The following PDIA5 variants were observed in gnomAD, a reference collection of about 807,000 sequenced individuals.
PDIA5 encodes protein disulfide isomerase family A member 5.
In PDIA5, 58 loss-of-function variants were observed where a neutral mutation model predicts 77.6. That is an observed-to-expected ratio of 0.75 (90% CI 0.61 to 0.93). PDIA5 has a LOEUF of 0.93. PDIA5 is among the 40% of genes least tolerant of loss of function. The pLI, the probability that PDIA5 is intolerant of heterozygous loss-of-function variation, is 0.00. For synonymous variants in PDIA5, 250 were observed against 252.1 expected (o/e 0.99, Z 0.08); for missense variants, 630 against 647.7 (o/e 0.97, Z 0.30).
In PDIA5 at chr3:123,152,079, GCCTT is replaced by G. The variant is rs1422007373; in HGVS notation, c.1273+1723_1273+1726del. ...TTCCTTCCTGCCTGCCTTTCTTCCT[GCCTT>G]CCTTCCTGCCTTCCTGCCTTCCTTC... On this transcript the variant is annotated intron_variant, in intron 14 of 16. Transcript: ENST00000316218. Among the ~76,000 whole-genome samples, 33 of 65,774 alleles carry G rather than the reference GCCTT, an allele frequency of 5.0e-4. 1 individual carries two copies. The highest frequency in any genetic ancestry group is 1.0e-3 in the Admixed American group (7 of 6,870). 43.2% of individuals were successfully genotyped at this position (65,774 alleles called of 152,430 possible).
chr3:123,085,690 CT>C (rs1355808080), intron 1 of PDIA5, among the ~76,000 whole-genome samples: 2 of 152,176 alleles, frequency 1.3e-5, no homozygotes, highest in Non-Finnish European at 2.9e-5. Context: ...TCCCTCCTGC[CT>C]TCCCCTTTCC....
intron 7 of PDIA5, among the ~76,000 whole-genome samples, chr3:123,113,736 G>A (rs1166842937): frequency 6.6e-6 from 1 of 152,182 alleles, no homozygotes; most frequent in Non-Finnish European, 1.5e-5. Context: ...AGGACTCTGT[G>A]ACCCTTTGGT....
rs752714551 is a variant in PDIA5 at position 123,106,739 on chromosome 3, T to C, written c.388-10T>C. The C allele has an allele frequency of 8.8e-6, 14 of 1,594,448 alleles. No individual in the cohort carries two copies. The highest frequency in any genetic ancestry group is 1.2e-5 in the Non-Finnish European group (14 of 1,163,256). On this transcript the variant is annotated splice_polypyrimidine_tract_variant and intron_variant, in intron 5 of 16. Transcript: ENST00000316218. ...AAAATGCATTTTCTCTTCTCTTTTT[T>C]TTCCCTCAGTCCATAGTGGCCTTTT...
At chr3:123,138,647 CTGTGAGTG>C (rs1935551271) in intron 11 of PDIA5, among the ~76,000 whole-genome samples, 2 of 152,188 alleles carry the variant, frequency 1.3e-5, no homozygotes, top group Non-Finnish European at 2.9e-5. Context: ...ATAGAGGCAT[CTGTGAGTG>C]TGTGAGTCTG....
At chr3:123,143,684 C>G (rs1935694217) in intron 11 of PDIA5, among the ~76,000 whole-genome samples, 1 of 152,188 alleles carries the variant, frequency 6.6e-6, no homozygotes, top group African/African-American at 2.4e-5. Context: ...AGGCAGCTCC[C>G]TAGATAATGG....
intron 10 of PDIA5, among the ~76,000 whole-genome samples, 169 bp from the exon 11 acceptor site, chr3:123,130,311 C>G (rs939074184): frequency 1.3e-5 from 2 of 152,228 alleles, no homozygotes; most frequent in Non-Finnish European, 2.9e-5. Context: ...GGCCACACCA[C>G]TCACCCCACG....
At chr3:123,082,611 G>A (rs536865676) in intron 1 of PDIA5, among the ~76,000 whole-genome samples, 1 of 152,260 alleles carries the variant, frequency 6.6e-6, no homozygotes, top group East Asian at 1.9e-4. Context: ...TGCCCTGCCT[G>A]ATTGCAGGCA....
chr3:123,140,535 A>G (rs1935601783), intron 11 of PDIA5, among the ~76,000 whole-genome samples: 1 of 152,162 alleles, frequency 6.6e-6, no homozygotes, highest in Admixed American at 6.5e-5. Context: ...AACTGGGAAG[A>G]CTCAAAGCAG....
In PDIA5 at chr3:123,139,210, C is replaced by T. The variant is rs544394409; in HGVS notation, c.911-6312C>T. Among the ~76,000 whole-genome samples, 339 of 152,264 alleles carry T rather than the reference C, an allele frequency of 2.2e-3. 7 individuals are homozygous for T. In the South Asian group the frequency reaches 0.032, roughly 14 times the overall value. On this transcript the variant is annotated intron_variant, in intron 11 of 16. Coordinates refer to ENST00000316218, the MANE Select transcript of PDIA5 (RefSeq NM_006810.4). ...AATCAGGACACAAAATGCAGTGGGC[C>T]GGAGTCCCGCTCCCTGCATGTAACC... is the stretch of plus-strand genomic sequence containing the variant.
Position 123,154,954 on chromosome 3 carries a change from C to G in PDIA5, c.1274-17C>G. On this transcript the variant is annotated splice_polypyrimidine_tract_variant and intron_variant, in intron 14 of 16. Transcript: ENST00000316218. ...CATGCATCACAGTCCTGTGTGCTCTCTTCCCCTCTCACACAGGGTGCCCAC... is the reference window on the plus strand; with the variant it reads ...CATGCATCACAGTCCTGTGTGCTCTGTTCCCCTCTCACACAGGGTGCCCAC... The G allele has an allele frequency of 1.9e-6, 3 of 1,565,228 alleles. No individual in the cohort carries two copies. The highest frequency in any genetic ancestry group is 2.6e-6 in the Non-Finnish European group (3 of 1,135,504).
intron 1 of PDIA5, among the ~76,000 whole-genome samples, chr3:123,078,367 C>T (rs931573982): frequency 1.1e-4 from 16 of 152,080 alleles, no homozygotes; most frequent in Admixed American, 3.3e-4. Context: ...GAGCTGGGGG[C>T]GGTATCTGGT....
intron 11 of PDIA5, among the ~76,000 whole-genome samples, chr3:123,133,761 T>C (rs1030210333): frequency 1.3e-5 from 2 of 152,218 alleles, no homozygotes; most frequent in South Asian, 2.1e-4. Context: ...AGACCATGCA[T>C]TGACATTTTG....
chr3:123,109,958 T>C (rs1046240558), intron 6 of PDIA5, among the ~76,000 whole-genome samples: 2 of 152,260 alleles, frequency 1.3e-5, no homozygotes, highest in African/African-American at 4.8e-5. Flanking sequence ...ATTTACCTAA[T>C]GCCTTCTTGC....
chr3:123,101,478 A>G (rs534458845), intron 3 of PDIA5, among the ~76,000 whole-genome samples: 2 of 152,324 alleles, frequency 1.3e-5, no homozygotes, highest in African/African-American at 4.8e-5. Context: ...AGAGTGTAAT[A>G]TCCCAGATGC....
intron 15 of PDIA5, among the ~76,000 whole-genome samples, chr3:123,159,438 G>T (rs1392183978): frequency 6.6e-6 from 1 of 152,184 alleles, no homozygotes; most frequent in African/African-American, 2.4e-5. Context: ...GGGCTCCAGG[G>T]GGTGCTGGGG....
chr3:123,096,081 G>T (rs9810431), intron 3 of PDIA5, among the ~76,000 whole-genome samples: 19,277 of 151,964 alleles, frequency 0.13, 1,475 homozygotes, highest in Non-Finnish European at 0.18. Context: ...ATTTTGGAAG[G>T]GTGCCTATCC....
At chr3:123,082,864 G>A (rs1215566242) in intron 1 of PDIA5, among the ~76,000 whole-genome samples, 3 of 152,080 alleles carry the variant, frequency 2.0e-5, no homozygotes, top group African/African-American at 7.2e-5. Flanking sequence ...ACAGGCCTGA[G>A]GTCATCCTGC....
At chr3:123,091,984 T>C (rs1934300364) in intron 2 of PDIA5, among the ~76,000 whole-genome samples, 2 of 152,252 alleles carry the variant, frequency 1.3e-5, no homozygotes, top group African/African-American at 4.8e-5. Context: ...TCATTGTTTA[T>C]GGAATTGTCA....
chr3:123,068,245 G>T (rs1933630661), intron 1 of PDIA5, among the ~76,000 whole-genome samples: 1 of 152,160 alleles, frequency 6.6e-6, no homozygotes, highest in Non-Finnish European at 1.5e-5. Context: ...TTTTCCATTT[G>T]GGTGTGGCAA....
Sources: gnomAD v4.1 joint callset for allele counts (sites outside exome capture counted in the v4.1 genomes callset) on GRCh38, gnomAD v4.1.1 for gene constraint, MANE v1.5 for transcripts, NCBI Gene and HGNC (gene_info 2026-07-23, HGNC 2026-07-21) for gene names.